COL9A1: variants seen among roughly 807,000 people sequenced by gnomAD.
The protein encoded by COL9A1 is collagen type IX alpha 1 chain.
Under a neutral mutation model 142.6 loss-of-function variants are expected in COL9A1, and 104 were observed. The observed-to-expected ratio is 0.73, with a 90% CI of 0.62 to 0.86. COL9A1 has a LOEUF of 0.86. Among genes scored for constraint, COL9A1 ranks in the 40% least tolerant of loss-of-function variants. COL9A1 has a pLI of 0.00. For synonymous variants in COL9A1, 466 were observed against 396.0 expected (o/e 1.18, Z -2.10); for missense variants, 1,210 against 1,176.6 (o/e 1.03, Z -0.42).
intron 28 of COL9A1, among the ~76,000 whole-genome samples, chr6:70,245,212 T>A (rs1770517484): frequency 6.6e-6 from 1 of 152,204 alleles, no homozygotes; most frequent in Admixed American, 6.5e-5. Flanking sequence ...CTTTGTCTTC[T>A]AAGAACATGC....
intron 28 of COL9A1, 105 bp from the exon 29 acceptor site, chr6:70,242,820 A>C (rs1419161836): frequency 1.9e-6 from 2 of 1,045,420 alleles, no homozygotes; most frequent in Non-Finnish European, 3.0e-6. Flanking sequence ...TCCTTCAGCT[A>C]AAGGCATAGG....
At chr6:70,268,913 C>T in intron 16 of COL9A1, 53 bp from the exon 17 acceptor site, 1 of 1,489,024 alleles carries the variant, frequency 6.7e-7, no homozygotes, top group South Asian at 1.1e-5. Flanking sequence ...AGTGCATAAA[C>T]TAGGACTCCC....
chr6:70,225,751 T>C (rs1490392398), intron 37 of COL9A1, among the ~76,000 whole-genome samples, 181 bp downstream of exon 37: 3 of 152,238 alleles, frequency 2.0e-5, no homozygotes, highest in Non-Finnish European at 2.9e-5. Context: ...TTTTCTGATT[T>C]GATTTACAGA....
In COL9A1 at chr6:70,270,403, C is replaced by T. The variant is rs757291124; in HGVS notation, c.1144-36G>A. On this transcript the variant is annotated intron_variant, in intron 14 of 37. Transcript: ENST00000357250. ...TGAAAATTGCGACACAGTGGTTATACATGTGTCAAAACACAGTACATAAAA... is the reference window on the plus strand; with the variant it reads ...TGAAAATTGCGACACAGTGGTTATATATGTGTCAAAACACAGTACATAAAA... 15 of 1,585,866 alleles carry T rather than the reference C, an allele frequency of 9.5e-6. No individual in the cohort carries two copies. In the South Asian group the frequency reaches 1.0e-4, roughly 11 times the overall value.
At chr6:70,256,965 T>G in intron 20 of COL9A1, 144 bp from the exon 21 acceptor site, 1 of 699,312 alleles carries the variant, frequency 1.4e-6, no homozygotes, top group Non-Finnish European at 2.5e-6. Context: ...GAGGAGTAAT[T>G]ACTCAGGCAC....
rs1205773967 is a variant in COL9A1, at chr6:70,216,729, G to A, written c.*168C>T. ...GAAAGAGAACTTACTGAATAGCACCGTTCTTCTATATGTGATTGTCAAGTA... is the reference window on the plus strand; with the variant it reads ...GAAAGAGAACTTACTGAATAGCACCATTCTTCTATATGTGATTGTCAAGTA... On this transcript the variant is annotated 3_prime_UTR_variant, in exon 38 of 38. Coordinates refer to ENST00000357250, the MANE Select transcript of COL9A1 (RefSeq NM_001851.6). 5 of 721,064 alleles carry A rather than the reference G, an allele frequency of 6.9e-6. No homozygotes were observed. Among genetic ancestry groups the A allele is most frequent in the East Asian group, 5.5e-5 (2 of 36,472 alleles). 44.7% of individuals were successfully genotyped at this position (721,064 alleles called of 1,614,324 possible). A position where few individuals can be genotyped will look rare whatever the true frequency, so the allele number is the denominator to read the frequency against.
intron 20 of COL9A1, among the ~76,000 whole-genome samples, chr6:70,257,664 T>C (rs1771405886): frequency 6.6e-6 from 1 of 152,078 alleles, no homozygotes; most frequent in African/African-American, 2.4e-5. Context: ...AGAGAATCAC[T>C]TGGGCCCGAG....
At chr6:70,270,162 A>C in intron 15 of COL9A1, 152 bp downstream of exon 15, 1 of 720,084 alleles carries the variant, frequency 1.4e-6, no homozygotes, top group Non-Finnish European at 2.5e-6. Flanking sequence ...CCCTAAACAG[A>C]ACCATGCCCT....
At chr6:70,284,119 G>T (rs1466637030) in intron 5 of COL9A1, among the ~76,000 whole-genome samples, 1 of 152,150 alleles carries the variant, frequency 6.6e-6, no homozygotes, top group Non-Finnish European at 1.5e-5. Flanking sequence ...CTGTTCTGAT[G>T]ACAATCTCAA....
At chr6:70,288,292 A>G (rs1366154840) in intron 5 of COL9A1, among the ~76,000 whole-genome samples, 2 of 152,040 alleles carry the variant, frequency 1.3e-5, no homozygotes, top group South Asian at 2.1e-4. Context: ...CTCAAAATAT[A>G]TTAGGTTTGG....
chr6:70,268,023 G>GTATT (rs3840411), intron 17 of COL9A1, among the ~76,000 whole-genome samples: 2,217 of 152,210 alleles, frequency 0.015, 73 homozygotes, highest in East Asian at 0.14. Flanking sequence ...CCAGAATTTG[G>GTATT]TATTTATTTT....
rs2127599096 is a variant in COL9A1 at position 70,282,924 on chromosome 6, G to A, written c.781-6C>T. On this transcript the variant is annotated splice_polypyrimidine_tract_variant and splice_region_variant and intron_variant, in intron 6 of 37. Transcript: ENST00000357250. ...TCGTCGGTGGTCTGGCTGGGCTGGA[G>A]AAGAAAAGATGGGGAGAAAGTGAGA... 1.2e-6 allele frequency: 2 copies of A among 1,614,126 alleles called. No homozygotes were observed. Among genetic ancestry groups the A allele is most frequent in the East Asian group, 2.2e-5 (1 of 44,860 alleles).
intron 10 of COL9A1, chr6:70,274,984 G>C (rs1772663235): frequency 1.8e-6 from 1 of 566,004 alleles, no homozygotes; most frequent in African/African-American, 1.9e-5. Context: ...TTGATAAGTT[G>C]TATCATACTC....
At chr6:70,294,613 T>C (rs1217227422) in intron 4 of COL9A1, 50 bp from the exon 5 acceptor site, 1 of 1,574,550 alleles carries the variant, frequency 6.4e-7, no homozygotes, top group Non-Finnish European at 8.7e-7. Flanking sequence ...CCTGTACCCA[T>C]ATGTATTTAC....
At chr6:70,275,725 G>A (rs552159197) in intron 10 of COL9A1, among the ~76,000 whole-genome samples, 1 of 151,922 alleles carries the variant, frequency 6.6e-6, no homozygotes, top group Non-Finnish European at 1.5e-5. Context: ...AATCTTGAAA[G>A]TATACCTTCC....
Position 70,234,786 on chromosome 6 carries a change from C to A in COL9A1, c.2259+8G>T, listed in dbSNP as rs771313083. On this transcript the variant is annotated splice_region_variant and intron_variant, in intron 34 of 37. Coordinates refer to ENST00000357250, the MANE Select transcript of COL9A1 (RefSeq NM_001851.6). ...AAAGGGAAACCACAGAAGCTGCCCA[C>A]CACTCACCGGAGGGCCCTGGACACC... The A allele has an allele frequency of 6.2e-7, 1 of 1,614,112 alleles. No individual in the cohort carries two copies. The highest frequency in any genetic ancestry group is 1.7e-5 in the Admixed American group (1 of 60,024).
intron 33 of COL9A1, among the ~76,000 whole-genome samples, chr6:70,237,684 A>G (rs1047291491): frequency 2.8e-4 from 43 of 152,252 alleles, no homozygotes; most frequent in African/African-American, 5.3e-4. Flanking sequence ...TCTATTACCA[A>G]ACTCAATCAA....
intron 19 of COL9A1, among the ~76,000 whole-genome samples, chr6:70,262,293 C>CA (rs532950661): frequency 6.6e-6 from 1 of 152,276 alleles, no homozygotes; most frequent in African/African-American, 2.4e-5. Context: ...ACACCCTAGA[C>CA]ACCACAGATT....
intron 10 of COL9A1, chr6:70,275,085 T>TA (rs1364520314): frequency 1.1e-5 from 4 of 379,374 alleles, no homozygotes; most frequent in African/African-American, 8.3e-5. Flanking sequence ...ACATAGCAAT[T>TA]ACAATGTTGT....
Sources: gnomAD v4.1 joint callset for allele counts (sites outside exome capture counted in the v4.1 genomes callset) on GRCh38, gnomAD v4.1.1 for gene constraint, MANE v1.5 for transcripts, NCBI Gene and HGNC (gene_info 2026-07-23, HGNC 2026-07-21) for gene names.